SMPDL3B: variants seen among roughly 807,000 people sequenced by gnomAD.
SMPDL3B encodes the protein sphingomyelin phosphodiesterase acid like 3B.
A neutral mutation model predicts 37.9 loss-of-function variants in SMPDL3B; 31 were observed. That is an observed-to-expected ratio of 0.82 (90% CI 0.61 to 1.10). The LOEUF is 1.10. Ranked by LOEUF, SMPDL3B falls within the 50% of genes least tolerant of loss-of-function variation. SMPDL3B has a pLI of 0.00. For synonymous variants in SMPDL3B, 235 were observed against 242.6 expected, an observed-to-expected ratio of 0.97 and a Z score of 0.29; for missense variants, 525 against 597.8, an observed-to-expected ratio of 0.88 and a Z score of 1.27.
chr1:27,935,481 C>T (rs930966560), intron 1 of SMPDL3B, among the ~76,000 whole-genome samples: 5 of 151,932 alleles, frequency 3.3e-5, no homozygotes, highest in Non-Finnish European at 7.4e-5. Context: ...GGTCTGGGTA[C>T]GTGAGAGCTA....
Position 27,958,457 on chromosome 1 carries a change from C to A in SMPDL3B, c.1006-19C>A. On this transcript the variant is annotated intron_variant, in intron 7 of 7. Transcript: ENST00000373894. The surrounding 1 kb of genome is among the most constrained non-coding windows in gnomAD (Gnocchi z 5.6). ...CAGACAACTGCTCACAGCCGGTCTA[C>A]CCCAAACCCTTTTTCCAGGACATGG... 6.3e-7 allele frequency: 1 copy of A among 1,587,152 alleles called. No homozygotes were observed. Among genetic ancestry groups the A allele is most frequent in the East Asian group, 2.3e-5 (1 of 44,394 alleles).
rs542998666 is a variant in SMPDL3B at position 27,936,835 on chromosome 1, G to A, written c.61+1591G>A. Reference sequence around the variant, plus strand: ...AGATTGAGACAATCCTGGCTAATACGGTGAAACTAAAAATACTCTACTAAA... The same window carrying A: ...AGATTGAGACAATCCTGGCTAATACAGTGAAACTAAAAATACTCTACTAAA... On this transcript the variant is annotated intron_variant, in intron 1 of 7. Transcript: ENST00000373894. Among the ~76,000 whole-genome samples the A allele has an allele frequency of 2.6e-5, 4 of 152,140 alleles. No homozygotes were observed. In the South Asian group the frequency reaches 8.3e-4, roughly 32 times the overall value.
At chr1:27,948,830 T>G (rs1557495971) in intron 2 of SMPDL3B, among the ~76,000 whole-genome samples, 1 of 152,240 alleles carries the variant, frequency 6.6e-6, no homozygotes, top group Non-Finnish European at 1.5e-5. Context: ...ACAGATGAGT[T>G]AATAGAGGCT....
Position 27,955,738 on chromosome 1 carries a change from G to A in SMPDL3B, c.745G>A (p.Ala249Thr). ...GTTCTTTGAGAAGACGCAAAACAAG[G>A]CATGGTTCCGGGAGGGCTTCAATGA... ...PGFFEKTQNKAWFREGFNEKY... is the reference protein window; with the variant it reads ...PGFFEKTQNKTWFREGFNEKY... Residue 249 changes from alanine (A) to threonine (T), a missense_variant, in exon 6 of 8, where the codon GCA becomes ACA. Ala to Thr is a moderately conservative substitution (Grantham distance 58). Coordinates refer to ENST00000373894, the MANE Select transcript of SMPDL3B (RefSeq NM_014474.4). 6.2e-7 allele frequency: 1 copy of A among 1,614,034 alleles called. No homozygotes were observed. Among genetic ancestry groups the A allele is most frequent in the Non-Finnish European group, 8.5e-7 (1 of 1,180,032 alleles).
chr1:27,955,399 A>G (rs1284222411), intron 5 of SMPDL3B, among the ~76,000 whole-genome samples: 1 of 152,214 alleles, frequency 6.6e-6, no homozygotes, highest in Non-Finnish European at 1.5e-5. Context: ...TTGAAGGATT[A>G]GGAAAGCTTC....
intron 3 of SMPDL3B, among the ~76,000 whole-genome samples, chr1:27,949,554 C>T (rs2090438048): frequency 6.6e-6 from 1 of 152,166 alleles, no homozygotes; most frequent in Non-Finnish European, 1.5e-5. Context: ...GTCCTGGCTG[C>T]CAGGGCCTCT....
At chr1:27,938,730 T>A (rs1344030923) in intron 1 of SMPDL3B, 1 of 152,246 alleles carries the variant, frequency 6.6e-6, no homozygotes, top group Admixed American at 6.5e-5. Context: ...GTGTTTCACT[T>A]TCAATTCAGT....
chr1:27,937,786 A>C (rs577877535), intron 1 of SMPDL3B, among the ~76,000 whole-genome samples: 3 of 152,286 alleles, frequency 2.0e-5, no homozygotes, highest in African/African-American at 7.2e-5. Flanking sequence ...TTTTACCTGC[A>C]CAACTGAGGC....
Position 27,955,770 on chromosome 1 carries a change from C to A in SMPDL3B, c.777C>A (p.Tyr259Ter). The A allele has an allele frequency of 6.2e-7, 1 of 1,614,100 alleles. No individual in the cohort carries two copies. The highest frequency in any genetic ancestry group is 1.1e-5 in the South Asian group (1 of 91,070). ...TCCGGGAGGGCTTCAATGAAAAATACCTGAAGGTGGTCCGGAAGCATCATC... is the reference window on the plus strand; with the variant it reads ...TCCGGGAGGGCTTCAATGAAAAATAACTGAAGGTGGTCCGGAAGCATCATC... ...AWFREGFNEK[Y>*]LKVVRKHHRV... is the part of the protein sequence containing the mutation. The change falls in exon 6 of 8, where the codon TAC becomes TAA. Residue 259 changes from tyrosine (Y) to a stop codon, truncating the protein, a stop_gained. Coordinates refer to ENST00000373894, the MANE Select transcript of SMPDL3B (RefSeq NM_014474.4). LOFTEE classifies it high-confidence loss of function.
chr1:27,949,048 T>C lies in SMPDL3B; in HGVS notation c.276-17T>C. The C allele has an allele frequency of 1.2e-6, 2 of 1,614,138 alleles. No homozygotes were observed. Among genetic ancestry groups the C allele is most frequent in the Non-Finnish European group, 1.7e-6 (2 of 1,179,986 alleles). On this transcript the variant is annotated splice_polypyrimidine_tract_variant and intron_variant, in intron 2 of 7. Coordinates refer to ENST00000373894, the MANE Select transcript of SMPDL3B (RefSeq NM_014474.4). ...CCTGAGTTGCCTGCCCCAAATTGGC[T>C]TGGTGGTGTTTTGTAGTGATGACAC...
At chr1:27,943,552 G>T (rs2090377935) in intron 1 of SMPDL3B, among the ~76,000 whole-genome samples, 1 of 152,270 alleles carries the variant, frequency 6.6e-6, no homozygotes, top group African/African-American at 2.4e-5. Context: ...CAGTGATGTT[G>T]ACTTGTGGCT....
At chr1:27,946,184 CTCTACTAAAAATACAAAAATTAGCCTG>C (rs564262587) in intron 2 of SMPDL3B, among the ~76,000 whole-genome samples, 15 of 152,054 alleles carry the variant, frequency 9.9e-5, no homozygotes, top group African/African-American at 3.4e-4. Context: ...GAAACCCCGT[CTCTACTAAAAATACAAAAATTAGCCTG>C]GCGTGGTAGT....
intron 5 of SMPDL3B, 116 bp from the exon 6 acceptor site, chr1:27,955,568 G>A: frequency 1.0e-6 from 1 of 965,716 alleles, no homozygotes; most frequent in Non-Finnish European, 1.6e-6. Flanking sequence ...CTTCAGGGAG[G>A]AGATACATTT....
chr1:27,951,678 T>C (rs1225224942), intron 3 of SMPDL3B, among the ~76,000 whole-genome samples: 2 of 152,156 alleles, frequency 1.3e-5, no homozygotes, highest in Non-Finnish European at 2.9e-5. Context: ...AAGACCCTGC[T>C]TCTACAAAAA....
Position 27,935,041 on chromosome 1 carries a change from C to A in SMPDL3B, c.-143C>A. 1 of 625,636 alleles carries A rather than the reference C, an allele frequency of 1.6e-6. No individual in the cohort carries two copies. Among genetic ancestry groups the A allele is most frequent in the Non-Finnish European group, 2.9e-6 (1 of 348,816 alleles). 38.8% of individuals were successfully genotyped at this position (625,636 alleles called of 1,614,324 possible). A position where few individuals can be genotyped will look rare whatever the true frequency, so the allele number is the denominator to read the frequency against. ...AGGAGGAAGAGCCAGAGGATCCAGA[C>A]GCCTTGGAGGACTTGGAACACCTGT... On this transcript the variant is annotated 5_prime_UTR_variant, in exon 1 of 8. Coordinates refer to ENST00000373894, the MANE Select transcript of SMPDL3B (RefSeq NM_014474.4).
rs572846126 is a variant in SMPDL3B, at chr1:27,935,131, GAAC to G, written c.-45_-43del. 32 of 1,431,886 alleles carry G rather than the reference GAAC, an allele frequency of 2.2e-5. No individual in the cohort carries two copies. The highest frequency in any genetic ancestry group is 1.3e-4 in the African/African-American group (9 of 68,690). 88.7% of individuals were successfully genotyped at this position (1,431,886 alleles called of 1,614,324 possible). On this transcript the variant is annotated 5_prime_UTR_variant, in exon 1 of 8. Transcript: ENST00000373894. Reference sequence around the variant, plus strand: ...AAACTACTTAGGAAGCCTGTGGTGAGAACAACAACAGTGCCTGAGAATCCCACG... The same window carrying G: ...AAACTACTTAGGAAGCCTGTGGTGAGAACAACAGTGCCTGAGAATCCCACG...
chr1:27,945,820 A>G lies in SMPDL3B; in HGVS notation c.275+375A>G, dbSNP rs191047811. Among the ~76,000 whole-genome samples the G allele has an allele frequency of 2.0e-5, 3 of 152,148 alleles. No individual in the cohort carries two copies. The highest frequency in any genetic ancestry group is 1.3e-4 in the Admixed American group (2 of 15,274). On this transcript the variant is annotated intron_variant, in intron 2 of 7. Transcript: ENST00000373894. This position sits in a 1 kb window ranked among gnomAD's most constrained non-coding sequence, Gnocchi z 4.0. ...TGAGAGGTCCAAGTGCAGGGAGGGA[A>G]GAAGTTATGAGGGCTGAAGGTGGCC...
chr1:27,956,762 A>T (rs1638294553), intron 7 of SMPDL3B, among the ~76,000 whole-genome samples: 1 of 152,202 alleles, frequency 6.6e-6, no homozygotes, highest in Non-Finnish European at 1.5e-5. Context: ...AATATGTAGA[A>T]TTAATTATAG....
At chr1:27,939,500 T>A (rs2090338446) in intron 1 of SMPDL3B, among the ~76,000 whole-genome samples, 1 of 152,058 alleles carries the variant, frequency 6.6e-6, no homozygotes, top group Non-Finnish European at 1.5e-5. Context: ...TAAATTTCTT[T>A]TTAAAAAGTA....
Sources: allele counts gnomAD v4.1 joint callset (sites outside exome capture counted in the v4.1 genomes callset), GRCh38; gene constraint gnomAD v4.1.1; non-coding constraint Gnocchi (gnomAD v3.1); transcripts MANE v1.5; gene names NCBI Gene and HGNC (gene_info 2026-07-23, HGNC 2026-07-21).